The following SPATA13 variants were observed in gnomAD, a reference collection of about 807,000 sequenced individuals.
SPATA13 encodes the protein spermatogenesis associated 13, also known as spermatogenesis-associated protein 13.
A neutral mutation model predicts 104.0 loss-of-function variants in SPATA13; 50 were observed. The observed-to-expected ratio is 0.48, with a 90% CI of 0.38 to 0.61. SPATA13 has a LOEUF of 0.61. Ranked by LOEUF, SPATA13 falls within the 20% of genes least tolerant of loss-of-function variation. The pLI is 0.00. For synonymous variants in SPATA13, 606 were observed against 667.5 expected (o/e 0.91, Z 1.42); for missense variants, 1,524 against 1,690.6 (o/e 0.90, Z 1.73).
At chr13:24,020,794 A>G (rs1876940196) in intron 3 of SPATA13, among the ~76,000 whole-genome samples, 1 of 152,232 alleles carries the variant, frequency 6.6e-6, no homozygotes, top group Admixed American at 6.5e-5. Context: ...CTATAATTCC[A>G]GCACTTTGGA....
At chr13:24,127,924 T>C (rs191737887) in intron 3 of SPATA13, among the ~76,000 whole-genome samples, 2 of 152,374 alleles carry the variant, frequency 1.3e-5, no homozygotes, top group East Asian at 1.9e-4. Context: ...CATGCCTCCG[T>C]TGGCAGAATG....
chr13:24,272,127 G>A (rs1412044044), intron 4 of SPATA13, among the ~76,000 whole-genome samples: 3 of 152,200 alleles, frequency 2.0e-5, no homozygotes, highest in Non-Finnish European at 4.4e-5. Context: ...ATGGCCTTGA[G>A]CAGGGGCGTG....
At chr13:24,089,402 G>T (rs575540528) in intron 3 of SPATA13, among the ~76,000 whole-genome samples, 1 of 152,312 alleles carries the variant, frequency 6.6e-6, no homozygotes, top group African/African-American at 2.4e-5. Flanking sequence ...CACTGCTGTG[G>T]ACGCTAAGGA....
intron 2 of SPATA13, among the ~76,000 whole-genome samples, chr13:23,995,106 C>T (rs1875616999): frequency 6.6e-6 from 1 of 152,082 alleles, no homozygotes; most frequent in African/African-American, 2.4e-5. Context: ...ACACAATGTC[C>T]AAAAATGTCA....
chr13:24,073,978 C>T (rs1177341806), intron 3 of SPATA13, among the ~76,000 whole-genome samples: 2 of 152,218 alleles, frequency 1.3e-5, no homozygotes, highest in African/African-American at 2.4e-5. Flanking sequence ...CCTGTCTCTA[C>T]CCTGATTCTT....
At position 24,077,481 on chromosome 13, in the gene SPATA13, A is replaced by G. The variant is rs184130221; in HGVS notation, c.-112+59780A>G. Among the ~76,000 whole-genome samples the G allele has an allele frequency of 5.7e-3, 869 of 152,262 alleles. 9 individuals are homozygous for G. Among genetic ancestry groups the G allele is most frequent in the African/African-American group, 0.019 (799 of 41,528 alleles). ...ATGCTCAGGAATCCAAAATGGGGGA[A>G]GAAGGGAGTGGGTGAGGGAAGAAAA... On this transcript the variant is annotated intron_variant, in intron 3 of 14. Coordinates refer to the SPATA13 transcript ENST00000424834.
chr13:24,056,615 A>G (rs1332646750), intron 3 of SPATA13, among the ~76,000 whole-genome samples: 1 of 152,204 alleles, frequency 6.6e-6, no homozygotes, highest in African/African-American at 2.4e-5. Context: ...AGTGTCTAGC[A>G]CATAGGAGGG....
At chr13:24,053,966 T>C (rs1454626504) in intron 3 of SPATA13, among the ~76,000 whole-genome samples, 1 of 152,032 alleles carries the variant, frequency 6.6e-6, no homozygotes, top group African/African-American at 2.4e-5. Context: ...AGAGAGTCTG[T>C]AAAAATGAGA....
chr13:24,299,563 C>T (rs2138774092), intron 11 of SPATA13, among the ~76,000 whole-genome samples: 1 of 152,292 alleles, frequency 6.6e-6, no homozygotes, highest in South Asian at 2.1e-4. Flanking sequence ...CAGTCTGGGA[C>T]AGATGTTGGG....
chr13:24,010,493 A>C (rs1173979564), intron 2 of SPATA13, among the ~76,000 whole-genome samples: 1 of 135,278 alleles, frequency 7.4e-6, no homozygotes, highest in African/African-American at 2.8e-5. Context: ...TAGCTACGTT[A>C]TTTAGGAATA....
intron 1 of SPATA13, among the ~76,000 whole-genome samples, chr13:24,204,979 T>C (rs1025074315): frequency 1.3e-4 from 20 of 152,120 alleles, no homozygotes; most frequent in African/African-American, 4.1e-4. Context: ...CCACAGCCAA[T>C]ATCATACCTA....
At chr13:24,077,940 C>G (rs1031137247) in intron 3 of SPATA13, among the ~76,000 whole-genome samples, 1 of 152,104 alleles carries the variant, frequency 6.6e-6, no homozygotes, top group Non-Finnish European at 1.5e-5. Context: ...CCTGTCCCAC[C>G]CCAGGCTTGA....
intron 5 of SPATA13, among the ~76,000 whole-genome samples, chr13:24,284,682 A>G (rs912233602): frequency 4.6e-5 from 7 of 152,090 alleles, no homozygotes; most frequent in Non-Finnish European, 7.4e-5. Flanking sequence ...AGAAAGAACA[A>G]CACTGTGATT....
intron 1 of SPATA13, among the ~76,000 whole-genome samples, chr13:24,181,843 G>A (rs1156455127): frequency 8.8e-5 from 2 of 22,804 alleles, no homozygotes; most frequent in Admixed American, 9.1e-4. Flanking sequence ...GGCCGGGTGT[G>A]GTGGCTTACA....
intron 7 of SPATA13, 56 bp from the exon 8 acceptor site, chr13:24,288,942 TA>T: frequency 6.7e-7 from 1 of 1,481,634 alleles, no homozygotes; most frequent in Non-Finnish European, 9.1e-7. Context: ...AAAGCTGTAC[TA>T]TTCAAATAAT....
chr13:24,000,236 G>A (rs1033424777), intron 2 of SPATA13, among the ~76,000 whole-genome samples: 1 of 152,226 alleles, frequency 6.6e-6, no homozygotes, highest in Non-Finnish European at 1.5e-5. Flanking sequence ...CTGGCCTAGG[G>A]GCTGGGAAGC....
At chr13:24,299,147 G>A (rs540715840) in intron 11 of SPATA13, among the ~76,000 whole-genome samples, 4 of 152,328 alleles carry the variant, frequency 2.6e-5, no homozygotes, top group East Asian at 3.9e-4. Context: ...GTCATATGAC[G>A]TTGTCTAGCG....
At chr13:24,280,517 C>T (rs558424887) in intron 4 of SPATA13, among the ~76,000 whole-genome samples, 16 of 148,590 alleles carry the variant, frequency 1.1e-4, no homozygotes, top group East Asian at 2.0e-4. Context: ...GGCTCAACCA[C>T]GGTTTAAATT....
At chr13:24,041,064 AAATCAC>A (rs1268943736) in intron 3 of SPATA13, among the ~76,000 whole-genome samples, 3 of 152,218 alleles carry the variant, frequency 2.0e-5, no homozygotes, top group African/African-American at 7.2e-5. Context: ...AAATACAGCA[AAATCAC>A]AATGCCTGCC....
Sources: allele counts gnomAD v4.1 joint callset (sites outside exome capture counted in the v4.1 genomes callset), GRCh38; gene constraint gnomAD v4.1.1; transcripts MANE v1.5; gene names NCBI Gene and HGNC (gene_info 2026-07-23, HGNC 2026-07-21).